The following FMN1 variants were observed in gnomAD, a reference collection of about 807,000 sequenced individuals.
FMN1 encodes the protein formin 1, also known as formin-1.
A neutral mutation model predicts 132.4 loss-of-function variants in FMN1; 110 were observed. That is an observed-to-expected ratio of 0.83 (90% CI 0.71 to 0.97). The LOEUF is 0.97. FMN1 is among the 50% of genes least tolerant of loss of function. FMN1 has a pLI of 0.00. For synonymous variants in FMN1, 722 were observed against 651.7 expected (o/e 1.11, Z -1.64); for missense variants, 1,792 against 1,705.3 (o/e 1.05, Z -0.90).
intron 19 of FMN1, among the ~76,000 whole-genome samples, chr15:32,791,091 GGAAA>G (rs1484437788): frequency 9.2e-5 from 14 of 152,116 alleles, no homozygotes; most frequent in African/African-American, 2.7e-4. Flanking sequence ...GAGAACACAA[GGAAA>G]GAAAGTGCAG....
At chr15:32,923,800 T>A (rs564246757) in intron 10 of FMN1, among the ~76,000 whole-genome samples, 66 of 152,322 alleles carry the variant, frequency 4.3e-4, no homozygotes, top group African/African-American at 1.5e-3. Context: ...CTTCTATCCA[T>A]GGGGAAATCT....
chr15:32,973,144 C>A (rs771947637), intron 7 of FMN1, among the ~76,000 whole-genome samples: 5 of 152,180 alleles, frequency 3.3e-5, no homozygotes, highest in East Asian at 1.9e-4. Context: ...AAATGCAGAT[C>A]CCTAGTCCTT....
At chr15:33,131,919 A>G (rs920198118) in intron 4 of FMN1, among the ~76,000 whole-genome samples, 1 of 152,192 alleles carries the variant, frequency 6.6e-6, no homozygotes, top group Admixed American at 6.5e-5. Context: ...AGCACGGATC[A>G]TTATTTTTCC....
intron 16 of FMN1, among the ~76,000 whole-genome samples, chr15:32,868,742 C>A (rs908882422): frequency 6.6e-6 from 1 of 152,046 alleles, no homozygotes; most frequent in Non-Finnish European, 1.5e-5. Context: ...ATACGAGATA[C>A]ACATTTTTTT....
At chr15:33,054,184 T>C (rs963815898) in intron 6 of FMN1, among the ~76,000 whole-genome samples, 1 of 152,172 alleles carries the variant, frequency 6.6e-6, no homozygotes, top group Non-Finnish European at 1.5e-5. Flanking sequence ...AAAATCCACA[T>C]ATTACTCCTA....
chr15:33,103,133 C>T lies in FMN1; in HGVS notation c.1868-14159G>A, dbSNP rs776300755. ...TACAATAATTGTTGAATATACATTA[C>T]ATGAACAGTTTTATGTTCAGAACAT... is the stretch of plus-strand genomic sequence containing the variant. On this transcript the variant is annotated intron_variant, in intron 4 of 20. Transcript: ENST00000616417. Among the ~76,000 whole-genome samples the T allele has an allele frequency of 5.9e-4, 90 of 152,192 alleles. 2 individuals are homozygous for T. Among genetic ancestry groups the T allele is most frequent in the East Asian group, 1.2e-3 (6 of 5,178 alleles).
intron 6 of FMN1, among the ~76,000 whole-genome samples, chr15:33,022,256 C>T (rs2035452629): frequency 6.6e-6 from 1 of 152,066 alleles, no homozygotes. Context: ...TTTGCAAATG[C>T]AGAATCCGAG....
intron 16 of FMN1, among the ~76,000 whole-genome samples, chr15:32,863,179 C>T (rs1037072036): frequency 2.6e-5 from 4 of 152,218 alleles, no homozygotes; most frequent in Admixed American, 6.5e-5. Flanking sequence ...CGCGGTGGCT[C>T]ACGCCTGTAA....
rs1039221074 is a variant in FMN1, at chr15:32,968,971, C to T, written c.2730G>A (p.Pro910=). Residue 910 remains proline (P), a synonymous_variant, in exon 8 of 21, where the codon CCG becomes CCA. Coordinates refer to ENST00000616417, the MANE Select transcript of FMN1 (RefSeq NM_001277313.2). ...CACTTGAAGGTGGAGGTAGAGGTGG[C>T]GGTGGAGGAGGCGGAGGTGGTAGCG... ...GPPLPPPPPP[P]PPLPPPSSAG... 19 of 909,254 alleles carry T rather than the reference C, an allele frequency of 2.1e-5. No individual in the cohort carries two copies. Among genetic ancestry groups the T allele is most frequent in the African/African-American group, 1.7e-4 (9 of 52,210 alleles). 56.3% of individuals were successfully genotyped at this position (909,254 alleles called of 1,614,324 possible).
intron 6 of FMN1, among the ~76,000 whole-genome samples, chr15:33,055,202 ACCCCTTATCTTAAC>A (rs2141198154): frequency 6.6e-6 from 1 of 152,192 alleles, no homozygotes; most frequent in East Asian, 1.9e-4. Flanking sequence ...GGTCTCCACA[ACCCCTTATCTTAAC>A]CCAGACACTC....
intron 18 of FMN1, among the ~76,000 whole-genome samples, chr15:32,801,158 T>C (rs2057465006): frequency 6.6e-6 from 1 of 152,182 alleles, no homozygotes; most frequent in Non-Finnish European, 1.5e-5. Flanking sequence ...AAGAGTGATT[T>C]GGTGGTTGTT....
intron 9 of FMN1, among the ~76,000 whole-genome samples, chr15:32,929,849 T>C (rs149628504): frequency 5.3e-4 from 80 of 152,206 alleles, no homozygotes; most frequent in African/African-American, 1.8e-3. Flanking sequence ...AATGGACATT[T>C]AGGTTGTCTC....
At chr15:32,938,061 G>T (rs776930844) in intron 9 of FMN1, among the ~76,000 whole-genome samples, 3 of 151,986 alleles carry the variant, frequency 2.0e-5, no homozygotes, top group Non-Finnish European at 4.4e-5. Context: ...GAAACTTGAA[G>T]ACTATAGGAG....
intron 7 of FMN1, among the ~76,000 whole-genome samples, chr15:32,993,802 T>TAG (rs1566802152): frequency 6.7e-6 from 1 of 149,448 alleles, no homozygotes; most frequent in African/African-American, 2.5e-5. Flanking sequence ...GACCCTGTCT[T>TAG]AGAGCCACTA....
chr15:33,049,155 G>T (rs1474398850), intron 6 of FMN1, among the ~76,000 whole-genome samples: 1 of 152,246 alleles, frequency 6.6e-6, no homozygotes, highest in Non-Finnish European at 1.5e-5. Context: ...TCAAAACTTG[G>T]TGCTAAGGCC....
At chr15:33,181,707 C>CTTTTTTTTTTTTTTTTT (rs753993602) in intron 2 of FMN1, among the ~76,000 whole-genome samples, 14 of 126,216 alleles carry the variant, frequency 1.1e-4, no homozygotes, top group Non-Finnish European at 2.0e-4. Context: ...TTTTTTCTTT[C>CTTTTTTTTTTTTTTTTT]TTTTTTTTTT....
chr15:32,997,413 A>G (rs1219967052), intron 7 of FMN1, among the ~76,000 whole-genome samples: 2 of 151,972 alleles, frequency 1.3e-5, no homozygotes, highest in East Asian at 3.9e-4. Flanking sequence ...GAGAGAAAAA[A>G]TTAAAACTTA....
chr15:32,955,899 T>A (rs1183593400), intron 9 of FMN1, among the ~76,000 whole-genome samples: 3 of 152,188 alleles, frequency 2.0e-5, no homozygotes, highest in Non-Finnish European at 4.4e-5. Context: ...CTAACTCTAA[T>A]ATTCCATATA....
intron 6 of FMN1, among the ~76,000 whole-genome samples, chr15:33,009,755 T>G (rs183570993): frequency 6.6e-6 from 1 of 152,154 alleles, no homozygotes; most frequent in African/African-American, 2.4e-5. Context: ...ATCAAGGAAG[T>G]AGAATAATTT....
Sources: allele counts gnomAD v4.1 joint callset (sites outside exome capture counted in the v4.1 genomes callset), GRCh38; gene constraint gnomAD v4.1.1; transcripts MANE v1.5; gene names NCBI Gene and HGNC (gene_info 2026-07-23, HGNC 2026-07-21).